Variants in CIMIP7 observed in about 807,000 individuals in gnomAD.
The protein encoded by CIMIP7 is uncharacterized protein C3orf84.
chr3:49,178,158 G>T, the CIMIP7 span: 1 of 1,100,982 alleles, frequency 9.1e-7, no homozygotes, highest in Non-Finnish European at 1.3e-6. Context: ...ATGCCTGGCT[G>T]TCTTGGCCTG....
At chr3:49,184,626 A>ATTT in the CIMIP7 span, among the ~76,000 whole-genome samples, 3 of 133,644 alleles carry the variant, frequency 2.2e-5, no homozygotes, top group Non-Finnish European at 3.2e-5. Context: ...GGCCTATGTA[A>ATTT]TTTTTTTTTT....
At chr3:49,180,979 TAGAC>T in the CIMIP7 span, among the ~76,000 whole-genome samples, 1 of 148,676 alleles carries the variant, frequency 6.7e-6, no homozygotes, top group African/African-American at 2.5e-5. Context: ...CCGCCTGCCT[TAGAC>T]AGTCTGATGG....
chr3:49,181,455 G>C, the CIMIP7 span, among the ~76,000 whole-genome samples: 1 of 151,816 alleles, frequency 6.6e-6, no homozygotes, highest in African/African-American at 2.4e-5. Flanking sequence ...GTTCAAGACC[G>C]GCCTGGGCAG....
the CIMIP7 span, among the ~76,000 whole-genome samples, chr3:49,191,114 G>C: frequency 6.6e-6 from 1 of 152,262 alleles, no homozygotes; most frequent in South Asian, 2.1e-4. Flanking sequence ...CAACCTCTTT[G>C]TCCTGAGTTC....
the CIMIP7 span, chr3:49,178,036 A>G: frequency 6.2e-7 from 1 of 1,603,178 alleles, no homozygotes; most frequent in Non-Finnish European, 8.5e-7. Flanking sequence ...GATTCCCTGC[A>G]GCAGGCAATA....
At chr3:49,178,233 A>G in the CIMIP7 span, among the ~76,000 whole-genome samples, 4 of 152,178 alleles carry the variant, frequency 2.6e-5, no homozygotes, top group African/African-American at 9.7e-5. Flanking sequence ...GCACCCAGAA[A>G]GTTAGTGGCC....
the CIMIP7 span, chr3:49,191,810 T>G: frequency 2.1e-4 from 326 of 1,536,754 alleles, 1 homozygote; most frequent in East Asian, 6.5e-3. Context: ...ACTTTCCTCT[T>G]GTCTTTTGGA....
chr3:49,188,464 C>CT, the CIMIP7 span, among the ~76,000 whole-genome samples: 1 of 152,238 alleles, frequency 6.6e-6, no homozygotes, highest in Admixed American at 6.5e-5. Flanking sequence ...CCAGGGAACC[C>CT]TGGGAGGACA....
At chr3:49,178,345 G>A in the CIMIP7 span, 2 of 776,814 alleles carry the variant, frequency 2.6e-6, no homozygotes, top group Non-Finnish European at 4.2e-6. Context: ...GAAAGTTTGT[G>A]GGGGAAGACA....
At chr3:49,179,531 T>G in the CIMIP7 span, among the ~76,000 whole-genome samples, 19 of 152,282 alleles carry the variant, frequency 1.2e-4, no homozygotes, top group East Asian at 3.7e-3. Context: ...TCCTCACTGC[T>G]CCTCAGACAC....
chr3:49,191,617 G>A, the CIMIP7 span: 105 of 1,002,420 alleles, frequency 1.0e-4, no homozygotes, highest in Non-Finnish European at 1.4e-4. Context: ...GAGGAAGTGG[G>A]CGGCTCAGGG....
At chr3:49,178,002 G>T in the CIMIP7 span, 1 of 1,612,376 alleles carries the variant, frequency 6.2e-7, no homozygotes, top group Non-Finnish European at 8.5e-7. Flanking sequence ...GCTGCCACAG[G>T]CGCTCCAGGT....
chr3:49,185,043 C>T, the CIMIP7 span, among the ~76,000 whole-genome samples: 211 of 151,930 alleles, frequency 1.4e-3, no homozygotes, highest in Non-Finnish European at 2.7e-3. Context: ...GGGTGGATCA[C>T]CTGAGGTCGG....
chr3:49,186,101 AG>A, the CIMIP7 span, among the ~76,000 whole-genome samples: 28 of 139,924 alleles, frequency 2.0e-4, no homozygotes, highest in East Asian at 2.4e-3. Context: ...CCCGGGTTCG[AG>A]CAATTCTCCT....
the CIMIP7 span, among the ~76,000 whole-genome samples, chr3:49,190,727 G>A: frequency 6.8e-6 from 1 of 146,122 alleles, no homozygotes; most frequent in East Asian, 2.0e-4. Context: ...GGAGTGCAGT[G>A]GTGCGATCTT....
the CIMIP7 span, chr3:49,189,838 G>A: frequency 6.8e-6 from 5 of 740,586 alleles, no homozygotes; most frequent in Non-Finnish European, 1.3e-5. Flanking sequence ...ATATGGTTCA[G>A]TTTGGCACTC....
the CIMIP7 span, among the ~76,000 whole-genome samples, chr3:49,186,868 G>T: frequency 6.6e-6 from 1 of 152,212 alleles, no homozygotes; most frequent in Non-Finnish European, 1.5e-5. Context: ...ACCATTGAAG[G>T]TAACCAGGCA....
the CIMIP7 span, among the ~76,000 whole-genome samples, chr3:49,183,189 T>G: frequency 6.6e-6 from 1 of 152,094 alleles, no homozygotes; most frequent in East Asian, 1.9e-4. Context: ...AAAAAGATAT[T>G]CATCATTAAA....
At chr3:49,187,950 C>T in the CIMIP7 span, among the ~76,000 whole-genome samples, 1 of 152,182 alleles carries the variant, frequency 6.6e-6, no homozygotes, top group East Asian at 1.9e-4. Context: ...TGATCAGCAG[C>T]CAAAACATGC....
Sources: allele counts gnomAD v4.1 joint callset (sites outside exome capture counted in the v4.1 genomes callset), GRCh38; gene constraint gnomAD v4.1.1; transcripts MANE v1.5; gene names NCBI Gene and HGNC (gene_info 2026-07-23, HGNC 2026-07-21).